SYT13: variants seen among roughly 807,000 people sequenced by gnomAD.
The protein encoded by SYT13 is synaptotagmin-13.
SYT13 carries 21 observed loss-of-function variants against 38.6 expected under a neutral mutation model. That is an observed-to-expected ratio of 0.54 (90% CI 0.39 to 0.78). The LOEUF (loss-of-function observed/expected upper bound fraction) is 0.78. SYT13 is among the 30% of genes least tolerant of loss of function. SYT13 has a pLI of 0.00. For missense variants in SYT13, 495 were observed against 548.7 expected (o/e 0.90, Z 0.98); for synonymous variants, 241 against 237.6 (o/e 1.01, Z -0.13).
intron 4 of SYT13, among the ~76,000 whole-genome samples, chr11:45,248,693 T>C (rs6485604): frequency 0.85 from 129,496 of 152,228 alleles, 55,984 homozygotes; most frequent in Middle Eastern, 0.91. Context: ...GGCTCATCAC[T>C]GATTATTAGA....
At chr11:45,278,665 T>C (rs1292190797) in intron 1 of SYT13, among the ~76,000 whole-genome samples, 1 of 152,034 alleles carries the variant, frequency 6.6e-6, no homozygotes, top group African/African-American at 2.4e-5. Context: ...ATCAATTCCA[T>C]GAAGAGAAGA....
intron 1 of SYT13, among the ~76,000 whole-genome samples, chr11:45,276,245 T>C (rs928059637): frequency 1.3e-5 from 2 of 152,200 alleles, no homozygotes; most frequent in African/African-American, 4.8e-5. Context: ...TGGAATACTA[T>C]GTAGCCATAA....
intron 1 of SYT13, among the ~76,000 whole-genome samples, chr11:45,258,783 G>T (rs1854778626): frequency 6.6e-6 from 1 of 152,108 alleles, no homozygotes; most frequent in Non-Finnish European, 1.5e-5. Context: ...ACCGGGCTTG[G>T]GGGAGTAAAA....
In SYT13 at chr11:45,276,582, T is replaced by A. The variant is rs535365696; in HGVS notation, c.183+9443A>T. 7.2e-5 allele frequency among the ~76,000 whole-genome samples: 11 copies of A among 152,004 alleles called. No homozygotes were observed. In the South Asian group the frequency reaches 8.3e-4, roughly 11 times the overall value. On this transcript the variant is annotated intron_variant, in intron 1 of 5. Coordinates refer to ENST00000020926, the MANE Select transcript of SYT13 (RefSeq NM_020826.3). ...TGTATCCCAGAACTTATAATAAAAATTTTTTTAAAAAAACTTGCCAGCTAC... is the reference window on the plus strand; with the variant it reads ...TGTATCCCAGAACTTATAATAAAAAATTTTTTAAAAAAACTTGCCAGCTAC...
At chr11:45,269,349 C>A (rs569879156) in intron 1 of SYT13, 9 of 836,356 alleles carry the variant, frequency 1.1e-5, no homozygotes, top group East Asian at 9.6e-5. Flanking sequence ...ACAAAACAAA[C>A]AAACAAACAA....
intron 1 of SYT13, among the ~76,000 whole-genome samples, chr11:45,262,242 C>A (rs967798719): frequency 3.3e-5 from 5 of 152,174 alleles, no homozygotes; most frequent in Admixed American, 2.6e-4. Flanking sequence ...TGTATGATTC[C>A]ACTCAAATGA....
chr11:45,273,610 A>G (rs1302093010), intron 1 of SYT13, among the ~76,000 whole-genome samples: 1 of 152,194 alleles, frequency 6.6e-6, no homozygotes, highest in African/African-American at 2.4e-5. Context: ...TGTGTGATGA[A>G]CATCTCTCCC....
intron 1 of SYT13, among the ~76,000 whole-genome samples, chr11:45,280,979 G>A (rs995673319): frequency 5.9e-5 from 9 of 152,208 alleles, no homozygotes; most frequent in African/African-American, 2.2e-4. Flanking sequence ...CGGATCACCT[G>A]AGGTCAGGAG....
At chr11:45,254,578 T>A in intron 2 of SYT13, 174 bp from the exon 3 acceptor site, 1 of 779,182 alleles carries the variant, frequency 1.3e-6, no homozygotes, top group Non-Finnish European at 1.9e-6. Context: ...TCACAGCCCA[T>A]TAGGCTGCAT....
rs770979083 is a variant in SYT13 at position 45,286,072 on chromosome 11, G to A, written c.136C>T (p.Pro46Ser). ...CTGGGCTTCGCCTTCTCCAGGTCGG[G>A]GTCCTGGTCCCGCGGCAGCAGCCCC... ...KKGLLPRDQD[P>S]DLEKAKPSLL... The change falls in exon 1 of 6, where the codon CCC (proline) becomes TCC (serine). Residue 46 changes from proline (P) to serine (S), a missense_variant. By Grantham distance (74) the Pro-to-Ser change is moderately conservative. Transcript: ENST00000020926. The A allele has an allele frequency of 6.2e-7, 1 of 1,609,544 alleles. No homozygotes were observed. The highest frequency in any genetic ancestry group is 1.3e-5 in the African/African-American group (1 of 74,922).
chr11:45,246,238 G>T, intron 5 of SYT13, 145 bp downstream of exon 5: 2 of 1,202,964 alleles, frequency 1.7e-6, no homozygotes, highest in Non-Finnish European at 2.3e-6. Context: ...TTAGGGTGAA[G>T]AACACCGCTG....
intron 1 of SYT13, among the ~76,000 whole-genome samples, chr11:45,271,725 C>T (rs1325949140): frequency 2.0e-5 from 3 of 152,112 alleles, no homozygotes; most frequent in Non-Finnish European, 4.4e-5. Context: ...GTGGAGGAAA[C>T]TAGGTGAGAA....
At chr11:45,250,008 T>A (rs1354109814) in intron 4 of SYT13, among the ~76,000 whole-genome samples, 1 of 152,146 alleles carries the variant, frequency 6.6e-6, no homozygotes, top group Non-Finnish European at 1.5e-5. Context: ...CGTGGGCAAG[T>A]CTGTTAACCC....
chr11:45,272,145 T>C (rs1292141152), intron 1 of SYT13, among the ~76,000 whole-genome samples: 2 of 152,014 alleles, frequency 1.3e-5, no homozygotes, highest in Admixed American at 6.5e-5. Context: ...AGTTGAACAA[T>C]GAGAACACAT....
Position 45,286,341 on chromosome 11 carries a change from G to C in SYT13, c.-134C>G. On this transcript the variant is annotated 5_prime_UTR_variant, in exon 1 of 6. Transcript: ENST00000020926. The stretch of plus-strand genomic sequence containing the variant: ...CGCCAGAGGGGCGGGGACGGAGGGA[G>C]GGAGGACGGCTGCGAGGACGTCAGA... The C allele has an allele frequency of 9.0e-7, 1 of 1,110,952 alleles. No individual in the cohort carries two copies. The highest frequency in any genetic ancestry group is 1.2e-6 in the Non-Finnish European group (1 of 815,142). 68.8% of individuals were successfully genotyped at this position (1,110,952 alleles called of 1,614,324 possible). A position where few individuals can be genotyped will look rare whatever the true frequency, so the allele number is the denominator to read the frequency against.
At chr11:45,255,607 C>A in intron 2 of SYT13, 59 bp downstream of exon 2, 1 of 1,519,934 alleles carries the variant, frequency 6.6e-7, no homozygotes, top group Non-Finnish European at 9.0e-7. Context: ...TCTACAGAGA[C>A]ATTGACAAGC....
chr11:45,258,288 G>T (rs964031718), intron 1 of SYT13: 1 of 152,150 alleles, frequency 6.6e-6, no homozygotes, highest in African/African-American at 2.4e-5. Flanking sequence ...CCCTGGGAGG[G>T]ACATGTATGA....
chr11:45,274,636 A>G (rs1390340472), intron 1 of SYT13, among the ~76,000 whole-genome samples: 1 of 152,228 alleles, frequency 6.6e-6, no homozygotes, highest in Non-Finnish European at 1.5e-5. Flanking sequence ...AGCTAACAGA[A>G]GATATTCTAC....
At chr11:45,250,151 T>C (rs1260891334) in intron 4 of SYT13, among the ~76,000 whole-genome samples, 10 of 152,232 alleles carry the variant, frequency 6.6e-5, no homozygotes, top group Non-Finnish European at 1.5e-5. Flanking sequence ...TCCTGCCCTA[T>C]ACACCCAGAA....
Sources: allele counts gnomAD v4.1 joint callset (sites outside exome capture counted in the v4.1 genomes callset), GRCh38; gene constraint gnomAD v4.1.1; transcripts MANE v1.5; gene names NCBI Gene and HGNC (gene_info 2026-07-23, HGNC 2026-07-21).